Variants in RIMS2 observed in about 807,000 individuals in gnomAD.
The protein encoded by RIMS2 is regulating synaptic membrane exocytosis 2.
A neutral mutation model predicts 174.4 loss-of-function variants in RIMS2; 59 were observed. That is an observed-to-expected ratio of 0.34 (90% confidence interval 0.27 to 0.42). RIMS2 has a LOEUF of 0.42. Among genes scored for constraint, RIMS2 ranks in the 10% least tolerant of loss-of-function variants. The pLI is 1.00. For synonymous variants in RIMS2, 606 were observed against 572.5 expected, an observed-to-expected ratio of 1.06 and a Z score of -0.84; for missense variants, 1,620 against 1,666.3, an observed-to-expected ratio of 0.97 and a Z score of 0.48.
At position 103,838,230 on chromosome 8, in the gene RIMS2, G is replaced by A. The variant is rs1395743641; in HGVS notation, c.699-47068G>A. Reference sequence around the variant, plus strand: ...CAGAGTGCTGAGATTACAGGCATGAGCCACTGTGCCAGATCTTGTTCCCTC... The same window carrying A: ...CAGAGTGCTGAGATTACAGGCATGAACCACTGTGCCAGATCTTGTTCCCTC... On this transcript the variant is annotated intron_variant, in intron 3 of 23. Transcript: ENST00000504942. Among the ~76,000 whole-genome samples, 3 of 152,300 alleles carry A rather than the reference G, an allele frequency of 2.0e-5. No homozygotes were observed. The South Asian group carries it at 6.2e-4, about 32-fold the overall frequency.
intron 1 of RIMS2, among the ~76,000 whole-genome samples, chr8:103,677,433 C>T (rs1259162885): frequency 6.6e-6 from 1 of 152,050 alleles, no homozygotes. Context: ...TGATCTGGGA[C>T]CCAGTTTAGT....
intron 3 of RIMS2, chr8:103,768,760 C>T (rs2098212149): frequency 1.3e-6 from 1 of 749,566 alleles, no homozygotes; most frequent in Non-Finnish European, 2.5e-6. Context: ...TGTAAGAAAG[C>T]CTTTAAACAA....
intron 3 of RIMS2, among the ~76,000 whole-genome samples, chr8:103,832,787 G>C (rs1440717450): frequency 6.6e-6 from 1 of 152,004 alleles, no homozygotes; most frequent in Non-Finnish European, 1.5e-5. Flanking sequence ...TTTACCATTA[G>C]TTCTTATTGG....
intron 19 of RIMS2, among the ~76,000 whole-genome samples, chr8:104,029,312 T>G (rs2096333277): frequency 6.6e-6 from 1 of 152,154 alleles, no homozygotes; most frequent in Non-Finnish European, 1.5e-5. Context: ...ATCCTGGGAA[T>G]GTAGCCCAGC....
chr8:104,040,690 G>A (rs957242799), intron 19 of RIMS2, among the ~76,000 whole-genome samples: 1 of 151,678 alleles, frequency 6.6e-6, no homozygotes, highest in Non-Finnish European at 1.5e-5. Context: ...ATGAAGCCAT[G>A]TATTTCAGCT....
At chr8:104,162,726 A>T (rs1251889143) in intron 19 of RIMS2, among the ~76,000 whole-genome samples, 1 of 152,208 alleles carries the variant, frequency 6.6e-6, no homozygotes. Flanking sequence ...GGCATTGTCC[A>T]GGTTAGTAAT....
chr8:103,838,476 G>A lies in RIMS2; in HGVS notation c.699-46822G>A, dbSNP rs73293820. Among the ~76,000 whole-genome samples, 728 of 152,264 alleles carry A rather than the reference G, an allele frequency of 4.8e-3. 8 individuals are homozygous for A. The highest frequency in any genetic ancestry group is 0.017 in the African/African-American group (689 of 41,556). On this transcript the variant is annotated intron_variant, in intron 3 of 23. Coordinates refer to ENST00000504942, the Ensembl canonical transcript of RIMS2. ...GCCCAATTTTAAAGTAATATTTCCT[G>A]CCTCTTAGCATAATTTATTTTCCAT... is the stretch of plus-strand genomic sequence containing the variant.
chr8:103,599,329 G>C (rs1317775174), intron 1 of RIMS2, among the ~76,000 whole-genome samples: 2 of 150,172 alleles, frequency 1.3e-5, no homozygotes, highest in Admixed American at 6.7e-5. Flanking sequence ...ATCACAAGTA[G>C]TTAGTGATGA....
At chr8:104,105,142 T>G (rs1478767811) in intron 19 of RIMS2, among the ~76,000 whole-genome samples, 1 of 152,106 alleles carries the variant, frequency 6.6e-6, no homozygotes, top group Non-Finnish European at 1.5e-5. Context: ...TCTCAAGGAC[T>G]TCAGTAAATG....
intron 19 of RIMS2, among the ~76,000 whole-genome samples, chr8:104,087,404 C>T (rs2097555216): frequency 6.6e-6 from 1 of 151,816 alleles, no homozygotes; most frequent in Non-Finnish European, 1.5e-5. Flanking sequence ...GATGGATGGA[C>T]AAGGGAGAAG....
chr8:103,717,166 C>T (rs1463833941), intron 2 of RIMS2, among the ~76,000 whole-genome samples: 8 of 111,152 alleles, frequency 7.2e-5, no homozygotes, highest in African/African-American at 2.2e-4. Flanking sequence ...TTTCTTTTAC[C>T]AGTTGGAGCC....
chr8:103,992,168 G>A (rs573353737), intron 17 of RIMS2, among the ~76,000 whole-genome samples: 47 of 152,022 alleles, frequency 3.1e-4, no homozygotes, highest in African/African-American at 1.1e-3. Context: ...GAGTTCAATG[G>A]CGTTTTCTCA....
At chr8:103,805,111 G>A (rs1460544636) in intron 3 of RIMS2, among the ~76,000 whole-genome samples, 2 of 152,004 alleles carry the variant, frequency 1.3e-5, no homozygotes, top group Non-Finnish European at 2.9e-5. Context: ...AAAAAAGTGT[G>A]TGTATCTATT....
intron 19 of RIMS2, among the ~76,000 whole-genome samples, chr8:104,113,075 T>C (rs553086588): frequency 2.0e-5 from 3 of 152,238 alleles, no homozygotes; most frequent in African/African-American, 4.8e-5. Context: ...CTTTCATAAT[T>C]AGATTATAAT....
intron 1 of RIMS2, chr8:103,568,653 A>G (rs1205696603): frequency 3.1e-6 from 2 of 635,792 alleles, no homozygotes; most frequent in Non-Finnish European, 5.9e-6. Flanking sequence ...TATCTTTTCT[A>G]GAAGCATTTC....
chr8:103,969,733 T>G (rs1233309345), intron 15 of RIMS2, among the ~76,000 whole-genome samples: 1 of 152,162 alleles, frequency 6.6e-6, no homozygotes, highest in East Asian at 1.9e-4. Flanking sequence ...GTTTTTTGCC[T>G]TTTGGTATGT....
At chr8:103,982,491 C>CA (rs563538593) in intron 16 of RIMS2, among the ~76,000 whole-genome samples, 45,516 of 127,684 alleles carry the variant, frequency 0.36, 8,631 homozygotes, top group African/African-American at 0.55. Context: ...TGCAGAAATC[C>CA]AAAAAAAAAA....
chr8:103,756,168 C>T (rs1175799353), intron 2 of RIMS2, among the ~76,000 whole-genome samples: 2 of 152,082 alleles, frequency 1.3e-5, no homozygotes, highest in African/African-American at 4.8e-5. Flanking sequence ...GTTAGTTTTC[C>T]TACTAGCAGT....
At chr8:104,112,281 A>C (rs1468799880) in intron 19 of RIMS2, among the ~76,000 whole-genome samples, 1 of 152,068 alleles carries the variant, frequency 6.6e-6, no homozygotes, top group African/African-American at 2.4e-5. Flanking sequence ...AGTCTTCACC[A>C]TTTTATTTTA....
Sources: allele counts gnomAD v4.1 joint callset (sites outside exome capture counted in the v4.1 genomes callset), GRCh38; gene constraint gnomAD v4.1.1; transcripts MANE v1.5; gene names NCBI Gene and HGNC (gene_info 2026-07-23, HGNC 2026-07-21).